ADGRL3: variants seen among roughly 807,000 people sequenced by gnomAD.
ADGRL3 encodes the protein adhesion G protein-coupled receptor L3, also known as calcium-independent alpha-latrotoxin receptor 3.
A neutral mutation model predicts 153.5 loss-of-function variants in ADGRL3; 62 were observed. The ratio of observed to expected loss-of-function variants is 0.40; its 90% CI spans 0.33 to 0.50. The LOEUF is 0.50. ADGRL3 is among the 20% of genes least tolerant of loss of function. The pLI is 0.47. For synonymous variants in ADGRL3, 710 were observed against 672.5 expected (o/e 1.06, Z -0.86); for missense variants, 1,641 against 1,859.4 (o/e 0.88, Z 2.16).
intron 8 of ADGRL3, among the ~76,000 whole-genome samples, chr4:61,758,914 T>C (rs1237698109): frequency 6.6e-6 from 1 of 152,182 alleles, no homozygotes; most frequent in East Asian, 1.9e-4. Context: ...GTCTGTAAAG[T>C]ATTTTATTTC....
chr4:61,636,404 G>A (rs1236494749), intron 5 of ADGRL3, among the ~76,000 whole-genome samples: 1 of 152,076 alleles, frequency 6.6e-6, no homozygotes, highest in Non-Finnish European at 1.5e-5. Flanking sequence ...TACAACATGT[G>A]GGCTAGTTTC....
At chr4:61,313,769 G>A (rs771076469) in intron 1 of ADGRL3, among the ~76,000 whole-genome samples, 1 of 152,158 alleles carries the variant, frequency 6.6e-6, no homozygotes, top group Non-Finnish European at 1.5e-5. Context: ...ATAAAAAGAA[G>A]TACGGTGGTT....
chr4:62,022,837 G>T (rs894424850), intron 21 of ADGRL3, among the ~76,000 whole-genome samples: 9 of 151,842 alleles, frequency 5.9e-5, no homozygotes, highest in Non-Finnish European at 1.0e-4. Flanking sequence ...CCCTGACAAG[G>T]CACCTTGTCA....
At position 61,402,324 on chromosome 4, in the gene ADGRL3, A is replaced by T. The variant is rs191770029; in HGVS notation, c.-174+19135A>T. Among the ~76,000 whole-genome samples, 301 of 152,192 alleles carry T rather than the reference A, an allele frequency of 2.0e-3. 2 individuals carry two copies. The highest frequency in any genetic ancestry group is 6.4e-3 in the African/African-American group (267 of 41,538). On this transcript the variant is annotated intron_variant, in intron 2 of 26. Transcript: ENST00000683033. ...AAGTTAGTGCTTAAATATTCAAAAA[A>T]TTTTTTTAAAAATTATTCTTTGCTT...
At chr4:61,980,344 G>A (rs1227533004) in intron 18 of ADGRL3, among the ~76,000 whole-genome samples, 4 of 105,880 alleles carry the variant, frequency 3.8e-5, no homozygotes, top group African/African-American at 1.3e-4. Context: ...CTATCTCCAT[G>A]GTTTTGGCTT....
chr4:61,758,892 C>T (rs1178040750), intron 8 of ADGRL3, among the ~76,000 whole-genome samples: 1 of 152,186 alleles, frequency 6.6e-6, no homozygotes, highest in Admixed American at 6.5e-5. Context: ...CAGAATCTCT[C>T]AGCATTTGCT....
chr4:61,561,336 G>C (rs1012770631), intron 4 of ADGRL3, among the ~76,000 whole-genome samples: 1 of 152,140 alleles, frequency 6.6e-6, no homozygotes, highest in Non-Finnish European at 1.5e-5. Flanking sequence ...GTTGGAAAAT[G>C]ATAGACATTT....
chr4:61,803,661 T>C (rs2097524770), intron 8 of ADGRL3, among the ~76,000 whole-genome samples: 1 of 152,110 alleles, frequency 6.6e-6, no homozygotes, highest in Non-Finnish European at 1.5e-5. Context: ...TGAAATGGAA[T>C]GACCATTTTA....
At chr4:61,964,278 C>T (rs778084226) in intron 17 of ADGRL3, among the ~76,000 whole-genome samples, 39 of 152,118 alleles carry the variant, frequency 2.6e-4, no homozygotes, top group Non-Finnish European at 4.7e-4. Flanking sequence ...CTATAAGAAT[C>T]GTATTGAGAA....
intron 1 of ADGRL3, among the ~76,000 whole-genome samples, chr4:61,274,010 G>C (rs1251184612): frequency 1.3e-5 from 2 of 152,086 alleles, no homozygotes; most frequent in Admixed American, 6.5e-5. Flanking sequence ...AATAAAGCAT[G>C]CTAAGGTGAC....
chr4:61,311,423 A>G (rs1283050442), intron 1 of ADGRL3, among the ~76,000 whole-genome samples: 1 of 152,160 alleles, frequency 6.6e-6, no homozygotes. Flanking sequence ...GTCATTTGCA[A>G]CCTTACTGCA....
At chr4:61,294,537 A>C (rs560564773) in intron 1 of ADGRL3, among the ~76,000 whole-genome samples, 3 of 152,162 alleles carry the variant, frequency 2.0e-5, no homozygotes, top group Non-Finnish European at 2.9e-5. Context: ...CTGTCTTCAC[A>C]TTTTAACATA....
chr4:61,317,426 T>G (rs1360785297), intron 1 of ADGRL3, among the ~76,000 whole-genome samples: 3 of 152,168 alleles, frequency 2.0e-5, no homozygotes, highest in Non-Finnish European at 4.4e-5. Context: ...ACTTTTCACA[T>G]GTATTTCAAA....
At chr4:62,043,165 T>C (rs1729301996) in intron 24 of ADGRL3, among the ~76,000 whole-genome samples, 1 of 152,136 alleles carries the variant, frequency 6.6e-6, no homozygotes, top group South Asian at 2.1e-4. Flanking sequence ...TGGAGATTTG[T>C]GGGCATATTG....
At chr4:61,439,890 T>C (rs1301212462) in intron 2 of ADGRL3, among the ~76,000 whole-genome samples, 1 of 152,174 alleles carries the variant, frequency 6.6e-6, no homozygotes, top group Non-Finnish European at 1.5e-5. Context: ...TCCTCTCTTT[T>C]ATACATGTAC....
In ADGRL3 at chr4:61,414,123, A is replaced by T. The variant is rs181939855; in HGVS notation, c.-174+30934A>T. Among the ~76,000 whole-genome samples the T allele has an allele frequency of 1.1e-3, 162 of 152,352 alleles. 1 individual carries two copies. Among genetic ancestry groups the T allele is most frequent in the African/African-American group, 3.7e-3 (153 of 41,578 alleles). ...GTAGGAAAATGAAACAAGTCAGGAA[A>T]TTATCTCAGGAGTCACTATTAGTCT... On this transcript the variant is annotated intron_variant, in intron 2 of 26. Transcript: ENST00000683033.
At chr4:61,623,288 G>C (rs1322199405) in intron 5 of ADGRL3, among the ~76,000 whole-genome samples, 1 of 152,020 alleles carries the variant, frequency 6.6e-6, no homozygotes, top group Admixed American at 6.6e-5. Flanking sequence ...GATAAAACCA[G>C]TTCTCACTCA....
At chr4:61,283,228 CTG>C (rs1202155040) in intron 1 of ADGRL3, among the ~76,000 whole-genome samples, 2 of 152,074 alleles carry the variant, frequency 1.3e-5, no homozygotes, top group East Asian at 3.9e-4. Context: ...GTATTCCTCT[CTG>C]TTCCCTTTGT....
chr4:61,992,827 C>T (rs2150995075), intron 19 of ADGRL3, among the ~76,000 whole-genome samples: 1 of 152,084 alleles, frequency 6.6e-6, no homozygotes, highest in South Asian at 2.1e-4. Context: ...AAGCTGAGAC[C>T]ATTTTCAAAA....
Sources: allele counts gnomAD v4.1 joint callset (sites outside exome capture counted in the v4.1 genomes callset), GRCh38; gene constraint gnomAD v4.1.1; transcripts MANE v1.5; gene names NCBI Gene and HGNC (gene_info 2026-07-23, HGNC 2026-07-21).